The following PRKCB variants were observed in gnomAD, a reference collection of about 807,000 sequenced individuals.
PRKCB encodes protein kinase C beta.
In PRKCB, 13 loss-of-function variants were observed where a neutral mutation model predicts 81.5. The observed-to-expected ratio is 0.16, with a 90% CI of 0.10 to 0.25. PRKCB has a LOEUF of 0.25. Among genes scored for constraint, PRKCB ranks in the 10% least tolerant of loss-of-function variants. The probability of loss-of-function intolerance (pLI) is 1.00; values close to 1 mark genes in which losing one functional copy is unlikely to be tolerated. For missense variants in PRKCB, 509 were observed against 875.7 expected (o/e 0.58, Z 5.29); for synonymous variants, 335 against 321.4 (o/e 1.04, Z -0.45).
At chr16:24,134,736 G>A (rs1036994563) in intron 9 of PRKCB, among the ~76,000 whole-genome samples, 6 of 149,130 alleles carry the variant, frequency 4.0e-5, no homozygotes, top group Admixed American at 2.7e-4. Context: ...GCGACAGAGC[G>A]AGACTCCGTC....
intron 5 of PRKCB, among the ~76,000 whole-genome samples, chr16:24,050,813 G>A (rs532618193): frequency 6.6e-6 from 1 of 152,128 alleles, no homozygotes; most frequent in African/African-American, 2.4e-5. Context: ...ACTCTTTTGG[G>A]GGGTCTGGGG....
At chr16:24,106,052 A>T (rs1052488804) in intron 7 of PRKCB, among the ~76,000 whole-genome samples, 23 of 150,690 alleles carry the variant, frequency 1.5e-4, no homozygotes, top group African/African-American at 5.1e-4. Flanking sequence ...ACTTTTTTTT[A>T]AAAAAACTTT....
chr16:23,892,095 T>G (rs572352179), intron 2 of PRKCB, among the ~76,000 whole-genome samples: 1 of 151,938 alleles, frequency 6.6e-6, no homozygotes, highest in Non-Finnish European at 1.5e-5. Context: ...AACAAATGCC[T>G]GTTAATAAGT....
chr16:24,093,214 G>A (rs371049473), intron 6 of PRKCB, among the ~76,000 whole-genome samples: 2 of 152,272 alleles, frequency 1.3e-5, no homozygotes, highest in South Asian at 4.2e-4. Flanking sequence ...GACAGGAAAT[G>A]GTGTGATGTG....
At chr16:24,022,482 A>G (rs1965416920) in intron 3 of PRKCB, among the ~76,000 whole-genome samples, 1 of 151,986 alleles carries the variant, frequency 6.6e-6, no homozygotes, top group African/African-American at 2.4e-5. Context: ...CACATTTTTT[A>G]TTCTTTCTTT....
chr16:24,071,312 A>G (rs1473993283), intron 5 of PRKCB, among the ~76,000 whole-genome samples: 1 of 151,838 alleles, frequency 6.6e-6, no homozygotes, highest in African/African-American at 2.4e-5. Flanking sequence ...TTGCCTTGAA[A>G]ACAAAACATG....
At chr16:23,976,459 G>A (rs1260952215) in intron 2 of PRKCB, among the ~76,000 whole-genome samples, 1 of 152,186 alleles carries the variant, frequency 6.6e-6, no homozygotes, top group Non-Finnish European at 1.5e-5. Flanking sequence ...ACACGCCCAT[G>A]CCTGAATCCC....
At chr16:24,092,357 A>G (rs566739578) in intron 5 of PRKCB, among the ~76,000 whole-genome samples, 1 of 152,382 alleles carries the variant, frequency 6.6e-6, no homozygotes, top group South Asian at 2.1e-4. Context: ...CAACCCAACT[A>G]TGCATCAACT....
chr16:24,164,215 T>G (rs978980131), intron 10 of PRKCB, among the ~76,000 whole-genome samples: 4 of 152,162 alleles, frequency 2.6e-5, no homozygotes, highest in African/African-American at 9.7e-5. Flanking sequence ...GAAGATTGTC[T>G]CTTTGAATTC....
At chr16:24,194,569 C>A (rs1217307230) in intron 16 of PRKCB, among the ~76,000 whole-genome samples, 1 of 151,770 alleles carries the variant, frequency 6.6e-6, no homozygotes, top group Non-Finnish European at 1.5e-5. Context: ...TCCATTTTGA[C>A]CGGTTAAATA....
intron 5 of PRKCB, among the ~76,000 whole-genome samples, chr16:24,088,480 A>G (rs763341526): frequency 2.6e-5 from 4 of 152,152 alleles, no homozygotes; most frequent in Non-Finnish European, 5.9e-5. Flanking sequence ...TAATCCCAGC[A>G]CTTTGGGAGG....
chr16:24,181,771 C>CAAAAAA (rs71154286), intron 13 of PRKCB, among the ~76,000 whole-genome samples: 5 of 24,568 alleles, frequency 2.0e-4, no homozygotes, highest in Admixed American at 6.2e-4. Flanking sequence ...GACCCTGTCT[C>CAAAAAA]AAAAAAAAAA....
intron 9 of PRKCB, among the ~76,000 whole-genome samples, chr16:24,128,547 G>A (rs1232468100): frequency 6.6e-6 from 1 of 152,212 alleles, no homozygotes. Flanking sequence ...GAAAACTGTG[G>A]AGAGTTTGTT....
Position 23,903,446 on chromosome 16 carries a change from A to G in PRKCB, c.205+66040A>G, listed in dbSNP as rs546150286. ...AAGATTCTCAAAGCTTCATCAGAGCATGAACAATCAGAAATGCCTTAATTT... is the reference window on the plus strand; with the variant it reads ...AAGATTCTCAAAGCTTCATCAGAGCGTGAACAATCAGAAATGCCTTAATTT... On this transcript the variant is annotated intron_variant, in intron 2 of 16. Coordinates refer to ENST00000643927, the MANE Select transcript of PRKCB (RefSeq NM_002738.7). Among the ~76,000 whole-genome samples the G allele has an allele frequency of 3.3e-5, 5 of 152,158 alleles. No individual in the cohort carries two copies. The South Asian group carries it at 6.2e-4, about 19-fold the overall frequency.
chr16:24,122,468 T>TTTTTTTTC (rs1555498212), intron 8 of PRKCB, among the ~76,000 whole-genome samples: 2,830 of 138,774 alleles, frequency 0.02, 408 homozygotes, highest in African/African-American at 0.089. Context: ...TTTTTTTTTT[T>TTTTTTTTC]AGTGAGAGAG....
At position 24,214,652 on chromosome 16, in the gene PRKCB, T is replaced by C. The variant is rs1467151557; in HGVS notation, c.1864-6T>C. On this transcript the variant is annotated splice_region_variant and splice_polypyrimidine_tract_variant and intron_variant, in intron 16 of 16. Transcript: ENST00000643927. Reference sequence around the variant, plus strand: ...CACCACAAGTTCTTTTCTTCCCCTCTCATAGTGTGGGCGAAATGCTGAAAA... The same window carrying C: ...CACCACAAGTTCTTTTCTTCCCCTCCCATAGTGTGGGCGAAATGCTGAAAA... 1 of 1,613,704 alleles carries C rather than the reference T, an allele frequency of 6.2e-7. No individual in the cohort carries two copies. Among genetic ancestry groups the C allele is most frequent in the Non-Finnish European group, 8.5e-7 (1 of 1,179,688 alleles).
intron 2 of PRKCB, among the ~76,000 whole-genome samples, chr16:23,918,963 T>G (rs1963783814): frequency 6.6e-6 from 1 of 152,242 alleles, no homozygotes; most frequent in Admixed American, 6.5e-5. Flanking sequence ...AATCTGGCTA[T>G]TCACTTATTC....
chr16:23,920,675 G>C (rs1409725086), intron 2 of PRKCB, among the ~76,000 whole-genome samples: 1 of 152,190 alleles, frequency 6.6e-6, no homozygotes, highest in Non-Finnish European at 1.5e-5. Context: ...CTCTTGGGGA[G>C]AAGAGTGGGT....
intron 2 of PRKCB, among the ~76,000 whole-genome samples, chr16:23,968,632 T>C (rs2141799368): frequency 6.6e-6 from 1 of 152,228 alleles, no homozygotes; most frequent in South Asian, 2.1e-4. Context: ...GACCAGATGA[T>C]GAATTCTGTA....
Sources: allele counts gnomAD v4.1 joint callset (sites outside exome capture counted in the v4.1 genomes callset), GRCh38; gene constraint gnomAD v4.1.1; transcripts MANE v1.5; gene names NCBI Gene and HGNC (gene_info 2026-07-23, HGNC 2026-07-21).